The following TTC7B variants were observed in gnomAD, a reference collection of about 807,000 sequenced individuals.
TTC7B encodes the protein tetratricopeptide repeat protein 7B.
In TTC7B, 28 loss-of-function variants were observed where a neutral mutation model predicts 106.8. The ratio of observed to expected loss-of-function variants is 0.26; its 90% CI spans 0.19 to 0.36. The LOEUF is 0.36. Among genes scored for constraint, TTC7B ranks in the 10% least tolerant of loss-of-function variants. The pLI is 1.00. For missense variants in TTC7B, 862 were observed against 1,076.4 expected (o/e 0.80, Z 2.79); for synonymous variants, 405 against 430.6 (o/e 0.94, Z 0.74).
At chr14:90,659,475 G>C (rs1566823154) in intron 9 of TTC7B, among the ~76,000 whole-genome samples, 1 of 152,180 alleles carries the variant, frequency 6.6e-6, no homozygotes, top group South Asian at 2.1e-4. Flanking sequence ...GAAGAGATCA[G>C]ATCAGTCCAG....
chr14:90,692,918 G>T (rs1316506331), intron 6 of TTC7B, among the ~76,000 whole-genome samples: 2 of 149,662 alleles, frequency 1.3e-5, no homozygotes, highest in Middle Eastern at 6.9e-3. Context: ...GTGATGGCAG[G>T]GTGTGTGTGT....
At chr14:90,724,758 G>A (rs1889026159) in intron 5 of TTC7B, among the ~76,000 whole-genome samples, 1 of 152,164 alleles carries the variant, frequency 6.6e-6, no homozygotes, top group African/African-American at 2.4e-5. Context: ...CCGGTCTCAG[G>A]TATTTCTTTA....
At chr14:90,755,463 C>G (rs1292669135) in intron 3 of TTC7B, among the ~76,000 whole-genome samples, 1 of 152,034 alleles carries the variant, frequency 6.6e-6, no homozygotes, top group Non-Finnish European at 1.5e-5. Context: ...GCCTGGGCAA[C>G]ATAGTGAGAC....
intron 19 of TTC7B, 73 bp from the exon 20 acceptor site, chr14:90,541,662 G>A (rs1889597942): frequency 8.0e-7 from 1 of 1,251,842 alleles, no homozygotes. Flanking sequence ...ACTTGTCCTC[G>A]AGTTTCCAGT....
At chr14:90,814,182 T>C (rs2031054161) in intron 1 of TTC7B, among the ~76,000 whole-genome samples, 1 of 152,116 alleles carries the variant, frequency 6.6e-6, no homozygotes, top group African/African-American at 2.4e-5. Flanking sequence ...GCCCCACTCA[T>C]GACTGCATCT....
intron 15 of TTC7B, among the ~76,000 whole-genome samples, chr14:90,621,800 G>A (rs1350765810): frequency 6.6e-6 from 1 of 152,210 alleles, no homozygotes; most frequent in Non-Finnish European, 1.5e-5. Flanking sequence ...AACAAGCAGT[G>A]ATGCTCGTCA....
At chr14:90,594,563 CTG>C (rs1176292557) in intron 17 of TTC7B, among the ~76,000 whole-genome samples, 15 of 152,206 alleles carry the variant, frequency 9.9e-5, no homozygotes, top group African/African-American at 3.1e-4. Context: ...AAATTTGAAA[CTG>C]TTAATATTTC....
At chr14:90,756,442 G>A (rs1890305380) in intron 3 of TTC7B, among the ~76,000 whole-genome samples, 1 of 146,204 alleles carries the variant, frequency 6.8e-6, no homozygotes, top group Non-Finnish European at 1.5e-5. Flanking sequence ...CACCTAGGCT[G>A]GAGTGCAATG....
chr14:90,665,201 C>T (rs1886363098), intron 9 of TTC7B, among the ~76,000 whole-genome samples: 1 of 152,228 alleles, frequency 6.6e-6, no homozygotes, highest in Admixed American at 6.5e-5. Flanking sequence ...GGTATTATTT[C>T]TACCAGGAAA....
In TTC7B at chr14:90,657,891, G is replaced by T; in HGVS notation, c.1236+413C>A. The T allele has an allele frequency of 5.3e-6, 1 of 190,346 alleles. No individual in the cohort carries two copies. Among genetic ancestry groups the T allele is most frequent in the Non-Finnish European group, 1.1e-5 (1 of 90,294 alleles). 11.8% of individuals were successfully genotyped at this position (190,346 alleles called of 1,614,324 possible). On this transcript the variant is annotated intron_variant, in intron 10 of 19. Coordinates refer to ENST00000328459, the MANE Select transcript of TTC7B (RefSeq NM_001010854.2). This position sits in a 1 kb window ranked among gnomAD's most constrained non-coding sequence, Gnocchi z 4.2. ...GAGAGCAGCATCAAGCTTCTATCCT[G>T]CCGTTGGACTCCCTCAGCCCACATT...
intron 19 of TTC7B, among the ~76,000 whole-genome samples, chr14:90,546,884 T>C (rs1484526344): frequency 6.6e-6 from 1 of 152,160 alleles, no homozygotes; most frequent in Non-Finnish European, 1.5e-5. Flanking sequence ...CTCTCTCACC[T>C]CCAGGAGCCA....
intron 1 of TTC7B, among the ~76,000 whole-genome samples, chr14:90,792,260 G>A (rs1362909628): frequency 2.0e-5 from 3 of 152,108 alleles, no homozygotes; most frequent in African/African-American, 7.2e-5. Flanking sequence ...ATGCCAAGAT[G>A]TGGAGAGCGC....
rs891991159 is a variant in TTC7B, at chr14:90,539,063, C to G, written c.*2305G>C. The G allele has an allele frequency of 6.6e-6, 1 of 152,232 alleles. No individual in the cohort carries two copies. Among genetic ancestry groups the G allele is most frequent in the African/African-American group, 2.4e-5 (1 of 41,456 alleles). 9.4% of individuals were successfully genotyped at this position (152,232 alleles called of 1,614,324 possible). A position where few individuals can be genotyped will look rare whatever the true frequency, so the allele number is the denominator to read the frequency against. On this transcript the variant is annotated 3_prime_UTR_variant, in exon 20 of 20. Coordinates refer to ENST00000328459, the MANE Select transcript of TTC7B (RefSeq NM_001010854.2). The stretch of plus-strand genomic sequence containing the variant: ...CCAGGGGTGCTTCTCATTGGCCAAG[C>G]ATGGGTCACATGCCCAAACCCAAAC...
At chr14:90,698,588 G>A (rs1315284501) in intron 5 of TTC7B, 1 of 152,382 alleles carries the variant, frequency 6.6e-6, no homozygotes, top group Non-Finnish European at 1.5e-5. Flanking sequence ...CAAAACAAAT[G>A]TTCCTGCCAG....
chr14:90,760,747 T>C (rs936169091), intron 3 of TTC7B, among the ~76,000 whole-genome samples: 1 of 152,182 alleles, frequency 6.6e-6, no homozygotes, highest in Non-Finnish European at 1.5e-5. Flanking sequence ...CCTCTAGCCA[T>C]GCCCTCCAAA....
chr14:90,574,920 G>A (rs181571333), intron 19 of TTC7B, among the ~76,000 whole-genome samples: 8 of 152,282 alleles, frequency 5.3e-5, no homozygotes, highest in Non-Finnish European at 5.9e-5. Flanking sequence ...TGGAGCCTCC[G>A]TAGTTGGCTC....
chr14:90,657,064 T>C lies in TTC7B; in HGVS notation c.1341+110A>G, dbSNP rs190955560. On this transcript the variant is annotated intron_variant, in intron 11 of 19. Coordinates refer to ENST00000328459, the MANE Select transcript of TTC7B (RefSeq NM_001010854.2). The surrounding 1 kb of genome is among the most constrained non-coding windows in gnomAD (Gnocchi z 4.2). ...GTGGCTCTACACAGTCTTGTCTTTGTACAGCTGATGAATCACCCTCGCTTT... is the reference window on the plus strand; with the variant it reads ...GTGGCTCTACACAGTCTTGTCTTTGCACAGCTGATGAATCACCCTCGCTTT... The C allele has an allele frequency of 1.4e-3, 1,318 of 956,906 alleles. 4 individuals carry two copies. The highest frequency in any genetic ancestry group is 1.9e-3 in the Non-Finnish European group (1,207 of 635,718). The allele number at this position is 956,906 out of a possible 1,614,324, so 59.3% of individuals were successfully genotyped here. A position where few individuals can be genotyped will look rare whatever the true frequency, so the allele number is the denominator to read the frequency against.
rs2030744123 is a variant in TTC7B, at chr14:90,808,852, G to A, written c.121+7323C>T. Among the ~76,000 whole-genome samples, 1 of 152,224 alleles carries A rather than the reference G, an allele frequency of 6.6e-6. No homozygotes were observed. The highest frequency in any genetic ancestry group is 1.5e-5 in the Non-Finnish European group (1 of 68,040). On this transcript the variant is annotated intron_variant, in intron 1 of 19. Transcript: ENST00000328459. This position sits in a 1 kb window ranked among gnomAD's most constrained non-coding sequence, Gnocchi z 4.2. ...ACCCACGTGTGGCCAACGTGAATAA[G>A]AACCAAAGGCCATTCCTGCGTGCCC... is the stretch of plus-strand genomic sequence containing the variant.
intron 9 of TTC7B, among the ~76,000 whole-genome samples, chr14:90,659,323 G>T (rs1886091639): frequency 6.6e-6 from 1 of 151,912 alleles, no homozygotes. Context: ...GGGAGAATGG[G>T]GAAGGAAGCT....
Sources: allele counts gnomAD v4.1 joint callset (sites outside exome capture counted in the v4.1 genomes callset), GRCh38; gene constraint gnomAD v4.1.1; non-coding constraint Gnocchi (gnomAD v3.1); transcripts MANE v1.5; gene names NCBI Gene and HGNC (gene_info 2026-07-23, HGNC 2026-07-21).